The following ADD2 variants were observed in gnomAD, a reference collection of about 807,000 sequenced individuals.
The protein encoded by ADD2 is adducin 2, also known as beta-adducin.
A neutral mutation model predicts 83.0 loss-of-function variants in ADD2; 23 were observed. The ratio of observed to expected loss-of-function variants is 0.28; its 90% CI spans 0.20 to 0.39. ADD2 has a LOEUF of 0.39. Among genes scored for constraint, ADD2 ranks in the 10% least tolerant of loss-of-function variants. The pLI, the probability that ADD2 is intolerant of heterozygous loss-of-function variation, is 1.00. For synonymous variants in ADD2, 375 were observed against 375.4 expected (o/e 1.00, Z 0.01); for missense variants, 758 against 944.9 (o/e 0.80, Z 2.59).
intron 15 of ADD2, among the ~76,000 whole-genome samples, chr2:70,664,720 AG>A (rs782005472): frequency 6.7e-6 from 1 of 150,296 alleles, no homozygotes; most frequent in Non-Finnish European, 1.5e-5. Flanking sequence ...AGTGTGTACA[AG>A]TGTGTGTGAG....
At chr2:70,669,885 CAG>C (rs1669831518) in intron 15 of ADD2, among the ~76,000 whole-genome samples, 1 of 152,178 alleles carries the variant, frequency 6.6e-6, no homozygotes, top group Non-Finnish European at 1.5e-5. Flanking sequence ...GACAGACAGA[CAG>C]ACAGACACCC....
chr2:70,674,544 A>AT, intron 14 of ADD2, 134 bp downstream of exon 14: 1 of 996,708 alleles, frequency 1.0e-6, no homozygotes, highest in Non-Finnish European at 1.5e-6. Context: ...AATGAAGGGC[A>AT]TTTTTGTGAT....
intron 6 of ADD2, among the ~76,000 whole-genome samples, chr2:70,694,863 C>T (rs1209656207): frequency 6.6e-6 from 1 of 151,960 alleles, no homozygotes; most frequent in Non-Finnish European, 1.5e-5. Flanking sequence ...CGCCTCTCTC[C>T]TCCAACCAGA....
Position 70,736,807 on chromosome 2 carries a change from G to A in ADD2, c.-153-23623C>T, listed in dbSNP as rs186980872. ...TTTTTTTTAAGTTGAATGAATGCTC[G>A]AATAATATGAGCTTGGAGGTAAGCA... On this transcript the variant is annotated intron_variant, in intron 1 of 15. Coordinates refer to ENST00000264436, the MANE Select transcript of ADD2 (RefSeq NM_001617.4). 2.7e-5 allele frequency among the ~76,000 whole-genome samples: 4 copies of A among 150,266 alleles called. No individual in the cohort carries two copies. The East Asian group carries it at 5.9e-4, about 22-fold the overall frequency.
chr2:70,690,940 C>T lies in ADD2; in HGVS notation c.706-11G>A. ...CTTCATGGCCGACACCTTAGAGAGACAATGGCATGGTTAGCACCTGCAGCC... is the reference window on the plus strand; with the variant it reads ...CTTCATGGCCGACACCTTAGAGAGATAATGGCATGGTTAGCACCTGCAGCC... On this transcript the variant is annotated splice_polypyrimidine_tract_variant and intron_variant, in intron 7 of 15. Coordinates refer to ENST00000264436, the MANE Select transcript of ADD2 (RefSeq NM_001617.4). The T allele has an allele frequency of 6.2e-7, 1 of 1,607,660 alleles. No individual in the cohort carries two copies. The highest frequency in any genetic ancestry group is 8.5e-7 in the Non-Finnish European group (1 of 1,177,032).
At chr2:70,684,874 G>A (rs1032458890) in intron 9 of ADD2, among the ~76,000 whole-genome samples, 32 of 152,262 alleles carry the variant, frequency 2.1e-4, no homozygotes, top group African/African-American at 7.5e-4. Context: ...TATATAGCAG[G>A]CAATTTTGGA....
chr2:70,684,875 C>A (rs541993062), intron 9 of ADD2, among the ~76,000 whole-genome samples: 1 of 152,266 alleles, frequency 6.6e-6, no homozygotes, highest in South Asian at 2.1e-4. Context: ...ATATAGCAGG[C>A]AATTTTGGAA....
chr2:70,734,892 C>T (rs530308588), intron 1 of ADD2, among the ~76,000 whole-genome samples: 1 of 152,224 alleles, frequency 6.6e-6, no homozygotes, highest in South Asian at 2.1e-4. Flanking sequence ...AAGTTCTGGC[C>T]CATCTTTCTA....
rs782668701 is a variant in ADD2 at position 70,662,279 on chromosome 2, C to G, written c.*1146G>C. 1 of 152,282 alleles carries G rather than the reference C, an allele frequency of 6.6e-6. No homozygotes were observed. The highest frequency in any genetic ancestry group is 2.1e-4 in the South Asian group (1 of 4,818). 9.4% of individuals were successfully genotyped at this position (152,282 alleles called of 1,614,324 possible). Reference sequence around the variant, plus strand: ...CAGGATGGACAGATAGGGACAAGGACAGGGATACCCAGCATTTCTCTGAGA... The same window carrying G: ...CAGGATGGACAGATAGGGACAAGGAGAGGGATACCCAGCATTTCTCTGAGA... On this transcript the variant is annotated 3_prime_UTR_variant, in exon 16 of 16. Transcript: ENST00000264436.
chr2:70,681,854 T>C (rs983514717), intron 10 of ADD2, among the ~76,000 whole-genome samples: 1 of 152,230 alleles, frequency 6.6e-6, no homozygotes, highest in East Asian at 1.9e-4. Context: ...GTTTAAAAGT[T>C]TAATAGGTAC....
rs1468694161 is a variant in ADD2, at chr2:70,660,024, C to G, written c.*3401G>C. ...TGAGCTCTTGAATACACATTTTCTCCAGTCAGATATTGGTCAAAGTTTTCA... is the reference window on the plus strand; with the variant it reads ...TGAGCTCTTGAATACACATTTTCTCGAGTCAGATATTGGTCAAAGTTTTCA... On this transcript the variant is annotated 3_prime_UTR_variant, in exon 16 of 16. Transcript: ENST00000264436. 2.0e-5 allele frequency: 3 copies of G among 152,210 alleles called. No homozygotes were observed. The highest frequency in any genetic ancestry group is 7.2e-5 in the African/African-American group (3 of 41,450). 9.4% of individuals were successfully genotyped at this position (152,210 alleles called of 1,614,324 possible).
chr2:70,741,099 T>TA (rs1321226569), intron 1 of ADD2, among the ~76,000 whole-genome samples: 8 of 152,050 alleles, frequency 5.3e-5, no homozygotes, highest in Non-Finnish European at 1.0e-4. Context: ...GAGGATGATT[T>TA]AAAAAAAGAA....
intron 14 of ADD2, among the ~76,000 whole-genome samples, chr2:70,673,704 C>G (rs1399985094): frequency 6.6e-6 from 1 of 152,192 alleles, no homozygotes; most frequent in African/African-American, 2.4e-5. Flanking sequence ...TCAAGCAATT[C>G]TCCTGCCACA....
At chr2:70,758,262 C>G (rs1267515110) in intron 1 of ADD2, among the ~76,000 whole-genome samples, 2 of 152,194 alleles carry the variant, frequency 1.3e-5, no homozygotes, top group African/African-American at 4.8e-5. Context: ...GATTTTACAT[C>G]TTTTCTCCAT....
intron 15 of ADD2, among the ~76,000 whole-genome samples, chr2:70,667,125 C>T (rs1475609489): frequency 6.6e-6 from 1 of 152,132 alleles, no homozygotes; most frequent in Non-Finnish European, 1.5e-5. Context: ...GGGAACTCAC[C>T]TTCTAGCCTC....
Position 70,690,938 on chromosome 2 carries a change from G to C in ADD2, c.706-9C>G, listed in dbSNP as rs373814030. 1 of 1,608,600 alleles carries C rather than the reference G, an allele frequency of 6.2e-7. No homozygotes were observed. The highest frequency in any genetic ancestry group is 1.7e-5 in the Admixed American group (1 of 59,464). The stretch of plus-strand genomic sequence containing the variant: ...CACTTCATGGCCGACACCTTAGAGA[G>C]ACAATGGCATGGTTAGCACCTGCAG... On this transcript the variant is annotated splice_polypyrimidine_tract_variant and intron_variant, in intron 7 of 15. Transcript: ENST00000264436.
At chr2:70,721,179 C>T (rs1383495645) in intron 1 of ADD2, among the ~76,000 whole-genome samples, 1 of 152,220 alleles carries the variant, frequency 6.6e-6, no homozygotes, top group Non-Finnish European at 1.5e-5. Context: ...GTTATCTTCT[C>T]ACTGATTCTG....
intron 15 of ADD2, among the ~76,000 whole-genome samples, chr2:70,665,623 T>C (rs1574210457): frequency 6.6e-6 from 1 of 152,142 alleles, no homozygotes; most frequent in East Asian, 1.9e-4. Flanking sequence ...CATTCCCCTC[T>C]GGAAGGCCCT....
At position 70,659,113 on chromosome 2, in the gene ADD2, C is replaced by T. The variant is rs1167082031; in HGVS notation, c.*4312G>A. ...TGAGCTAAGATTGCACCACTGCACTCCAGCCTGGGCAACAAAGAGCAAAGC... is the reference window on the plus strand; with the variant it reads ...TGAGCTAAGATTGCACCACTGCACTTCAGCCTGGGCAACAAAGAGCAAAGC... On this transcript the variant is annotated 3_prime_UTR_variant, in exon 16 of 16. Coordinates refer to ENST00000264436, the MANE Select transcript of ADD2 (RefSeq NM_001617.4). 2.9e-5 allele frequency: 4 copies of T among 139,202 alleles called. No homozygotes were observed. The highest frequency in any genetic ancestry group is 6.0e-5 in the Non-Finnish European group (4 of 66,148). The allele number at this position is 139,202 out of a possible 1,614,324, so 8.6% of individuals were successfully genotyped here.
Sources: gnomAD v4.1 joint callset for allele counts (sites outside exome capture counted in the v4.1 genomes callset) on GRCh38, gnomAD v4.1.1 for gene constraint, MANE v1.5 for transcripts, NCBI Gene and HGNC (gene_info 2026-07-23, HGNC 2026-07-21) for gene names.